The following AOAH variants were observed in gnomAD, a reference collection of about 807,000 sequenced individuals.
AOAH encodes acyloxyacyl hydrolase.
A neutral mutation model predicts 92.2 loss-of-function variants in AOAH; 64 were observed. The ratio of observed to expected loss-of-function variants is 0.69; its 90% confidence interval spans 0.57 to 0.86. The LOEUF (loss-of-function observed/expected upper bound fraction) is 0.86, where lower values mean the gene tolerates loss of function less well. Among genes scored for constraint, AOAH ranks in the 40% least tolerant of loss-of-function variants. The pLI is 0.00. For synonymous variants in AOAH, 263 were observed against 254.5 expected (o/e 1.03, Z -0.32); for missense variants, 656 against 694.6 (o/e 0.94, Z 0.62).
intron 1 of AOAH, among the ~76,000 whole-genome samples, chr7:36,689,392 TG>T (rs1252767481): frequency 6.6e-6 from 1 of 152,150 alleles, no homozygotes; most frequent in Non-Finnish European, 1.5e-5. Context: ...TTTTGGAGGC[TG>T]GGAAATTTAA....
intron 3 of AOAH, among the ~76,000 whole-genome samples, chr7:36,659,890 C>CAA (rs1795111446): frequency 6.6e-6 from 1 of 151,632 alleles, no homozygotes; most frequent in East Asian, 1.9e-4. Context: ...CTGGAGCAGC[C>CAA]AAAGAAAAAC....
chr7:36,552,138 A>G (rs538030020), intron 13 of AOAH, among the ~76,000 whole-genome samples: 1 of 152,282 alleles, frequency 6.6e-6, no homozygotes, highest in South Asian at 2.1e-4. Flanking sequence ...CTATCAAGCC[A>G]TCACCTAGGT....
In AOAH at chr7:36,686,786, G is replaced by A. The variant is rs1339105196; in HGVS notation, c.136C>T (p.Leu46=). ...AGCTGTTCTATTACAGACACCACCA[G>A]CACACACCCTGCCAGGGAGGAGAAG... ...SNGHTCVGCV[L]VVSVIEQLAQ... The change falls in exon 2 of 21, where the codon CTG becomes TTG. Residue 46 remains leucine, a synonymous_variant. Coordinates refer to ENST00000617537, the MANE Select transcript of AOAH (RefSeq NM_001637.4). 3 of 1,556,950 alleles carry A rather than the reference G, an allele frequency of 1.9e-6. No individual in the cohort carries two copies. The highest frequency in any genetic ancestry group is 2.8e-5 in the African/African-American group (2 of 72,062).
At chr7:36,647,713 T>C (rs1425276414) in intron 4 of AOAH, among the ~76,000 whole-genome samples, 1 of 152,142 alleles carries the variant, frequency 6.6e-6, no homozygotes, top group Non-Finnish European at 1.5e-5. Flanking sequence ...CAAATATGGG[T>C]GTTAACAAAA....
At chr7:36,545,236 A>G (rs951637711) in intron 15 of AOAH, among the ~76,000 whole-genome samples, 4 of 152,002 alleles carry the variant, frequency 2.6e-5, no homozygotes, top group Non-Finnish European at 5.9e-5. Flanking sequence ...GGACTTCCAT[A>G]TTACCCCATG....
intron 7 of AOAH, among the ~76,000 whole-genome samples, chr7:36,622,745 C>A (rs904905737): frequency 5.3e-5 from 8 of 152,204 alleles, no homozygotes; most frequent in African/African-American, 1.9e-4. Context: ...GCTACAAAAT[C>A]CTTAAAAAAT....
At chr7:36,713,475 G>A (rs1798912711) in intron 1 of AOAH, among the ~76,000 whole-genome samples, 1 of 152,144 alleles carries the variant, frequency 6.6e-6, no homozygotes, top group Non-Finnish European at 1.5e-5. Flanking sequence ...GCACCAAGCA[G>A]ACCTAATTGA....
chr7:36,715,431 A>T (rs1384591953), intron 1 of AOAH, among the ~76,000 whole-genome samples: 1 of 152,066 alleles, frequency 6.6e-6, no homozygotes, highest in African/African-American at 2.4e-5. Flanking sequence ...TGTCATCCCC[A>T]TCAAGCTACC....
chr7:36,517,156 GTCTTTCTTTCTTTCTTTCTT>G (rs1554360832), intron 20 of AOAH, among the ~76,000 whole-genome samples: 3 of 95,432 alleles, frequency 3.1e-5, no homozygotes, highest in African/African-American at 1.2e-4. Flanking sequence ...ATCCATGTTA[GTCTTTCTTTCTTTCTTTCTT>G]TCTTTCTTTC....
At chr7:36,567,595 C>G (rs141224066) in intron 13 of AOAH, among the ~76,000 whole-genome samples, 1 of 152,196 alleles carries the variant, frequency 6.6e-6, no homozygotes, top group Non-Finnish European at 1.5e-5. Context: ...ATTCTGCTAA[C>G]GGATAGCCCT....
chr7:36,588,383 C>A (rs1789505351), intron 12 of AOAH, among the ~76,000 whole-genome samples: 1 of 152,376 alleles, frequency 6.6e-6, no homozygotes, highest in South Asian at 2.1e-4. Context: ...ATGGACCACA[C>A]TTGGAGAACT....
At chr7:36,717,017 T>A (rs866575783) in intron 1 of AOAH, among the ~76,000 whole-genome samples, 20 of 123,516 alleles carry the variant, frequency 1.6e-4, no homozygotes, top group South Asian at 5.5e-4. Context: ...AATAAATAAA[T>A]AAAAAAGCAT....
intron 13 of AOAH, among the ~76,000 whole-genome samples, chr7:36,554,387 C>G (rs75228323): frequency 0.025 from 3,757 of 152,230 alleles, 102 homozygotes; most frequent in Admixed American, 0.059. Flanking sequence ...GTTACTGTAG[C>G]CTTGTAGTAT....
chr7:36,709,579 T>C (rs1798633330), intron 1 of AOAH, among the ~76,000 whole-genome samples: 1 of 152,204 alleles, frequency 6.6e-6, no homozygotes, highest in South Asian at 2.1e-4. Flanking sequence ...TTCTCTTTTG[T>C]ACTTATTTTT....
At chr7:36,623,558 G>A (rs1247169662) in intron 6 of AOAH, among the ~76,000 whole-genome samples, 2 of 152,214 alleles carry the variant, frequency 1.3e-5, no homozygotes, top group African/African-American at 4.8e-5. Flanking sequence ...GGAAATATGA[G>A]ACTGCACTTT....
intron 12 of AOAH, among the ~76,000 whole-genome samples, chr7:36,588,884 AGG>A (rs1292923435): frequency 1.3e-5 from 2 of 152,202 alleles, no homozygotes; most frequent in Non-Finnish European, 2.9e-5. Flanking sequence ...TTTAAGCTGG[AGG>A]CAGAGGGAGC....
At chr7:36,550,527 C>T (rs771668216) in intron 13 of AOAH, among the ~76,000 whole-genome samples, 2 of 152,180 alleles carry the variant, frequency 1.3e-5, no homozygotes, top group Non-Finnish European at 2.9e-5. Flanking sequence ...CCCAAAGCCA[C>T]ACAGGTACTC....
intron 1 of AOAH, among the ~76,000 whole-genome samples, chr7:36,712,648 C>A (rs1028613006): frequency 6.6e-6 from 1 of 152,190 alleles, no homozygotes; most frequent in African/African-American, 2.4e-5. Context: ...AGAAACTCTA[C>A]AAGCCAGAAG....
At chr7:36,641,916 G>A (rs1183256995) in intron 4 of AOAH, among the ~76,000 whole-genome samples, 1 of 152,170 alleles carries the variant, frequency 6.6e-6, no homozygotes, top group Non-Finnish European at 1.5e-5. Flanking sequence ...GCACACAGTA[G>A]TATATAGCCA....
Sources: allele counts gnomAD v4.1 joint callset (sites outside exome capture counted in the v4.1 genomes callset), GRCh38; gene constraint gnomAD v4.1.1; transcripts MANE v1.5; gene names NCBI Gene and HGNC (gene_info 2026-07-23, HGNC 2026-07-21).